Variants in WWOX observed in about 807,000 individuals in gnomAD.
WWOX encodes WW domain containing oxidoreductase, also known as WW domain-containing oxidoreductase.
In WWOX, 69 loss-of-function variants were observed where a neutral mutation model predicts 46.2. The ratio of observed to expected loss-of-function variants is 1.49; its 90% CI spans 1.23 to 1.82. The LOEUF (loss-of-function observed/expected upper bound fraction) is 1.82. Among genes scored for constraint, WWOX ranks in the 40% most tolerant of loss-of-function variants. WWOX has a pLI of 0.00. For missense variants in WWOX, 919 were observed against 542.6 expected (o/e 1.69, Z -6.89); for synonymous variants, 359 against 202.6 (o/e 1.77, Z -6.56).
At chr16:78,696,655 T>G (rs1193687539) in intron 8 of WWOX, among the ~76,000 whole-genome samples, 1 of 152,052 alleles carries the variant, frequency 6.6e-6, no homozygotes. Flanking sequence ...TTTTATATTT[T>G]CTTTAATTTT....
At chr16:78,470,823 C>G (rs1033676501) in intron 8 of WWOX, among the ~76,000 whole-genome samples, 1 of 151,838 alleles carries the variant, frequency 6.6e-6, no homozygotes, top group Non-Finnish European at 1.5e-5. Flanking sequence ...GTCACCATGC[C>G]CGACCAGCAA....
intron 8 of WWOX, among the ~76,000 whole-genome samples, chr16:78,604,433 G>A (rs1160022438): frequency 6.6e-6 from 1 of 152,118 alleles, no homozygotes; most frequent in Non-Finnish European, 1.5e-5. Context: ...GCTGAGTGAT[G>A]CTGTGAGGGT....
intron 8 of WWOX, among the ~76,000 whole-genome samples, chr16:78,543,469 A>C (rs1397885863): frequency 6.6e-6 from 1 of 152,240 alleles, no homozygotes; most frequent in Non-Finnish European, 1.5e-5. Flanking sequence ...TGAACAGAGC[A>C]AAAGGGCATT....
At chr16:79,131,961 C>G (rs1322990844) in intron 8 of WWOX, among the ~76,000 whole-genome samples, 2 of 152,092 alleles carry the variant, frequency 1.3e-5, no homozygotes, top group South Asian at 2.1e-4. Flanking sequence ...TCTCACGAGA[C>G]TTATTCACTA....
At chr16:78,244,598 A>T (rs997731866) in intron 5 of WWOX, among the ~76,000 whole-genome samples, 1 of 152,180 alleles carries the variant, frequency 6.6e-6, no homozygotes, top group Non-Finnish European at 1.5e-5. Context: ...TTGAGTAACT[A>T]TCTCTGGAAA....
intron 4 of WWOX, among the ~76,000 whole-genome samples, chr16:78,126,526 T>C (rs1287696212): frequency 6.6e-6 from 1 of 152,226 alleles, no homozygotes; most frequent in Non-Finnish European, 1.5e-5. Flanking sequence ...CTATTGGATA[T>C]GTATCGATTA....
chr16:78,995,337 A>G (rs1291190684), intron 8 of WWOX, among the ~76,000 whole-genome samples: 1 of 152,074 alleles, frequency 6.6e-6, no homozygotes, highest in Non-Finnish European at 1.5e-5. Flanking sequence ...TCTCCTGCCT[A>G]CAGGTCATCC....
chr16:79,107,034 C>T (rs1261680326), intron 8 of WWOX, among the ~76,000 whole-genome samples: 2 of 152,064 alleles, frequency 1.3e-5, no homozygotes, highest in Non-Finnish European at 2.9e-5. Context: ...TGGTCTCGAT[C>T]TCCTGACCTC....
At chr16:79,151,424 C>T (rs76728377) in intron 8 of WWOX, among the ~76,000 whole-genome samples, 3,978 of 152,214 alleles carry the variant, frequency 0.026, 196 homozygotes, top group African/African-American at 0.091. Context: ...TTTTGGTTAC[C>T]CTGGACCAGA....
At chr16:78,159,126 G>A (rs2034700455) in intron 4 of WWOX, among the ~76,000 whole-genome samples, 1 of 152,010 alleles carries the variant, frequency 6.6e-6, no homozygotes, top group African/African-American at 2.4e-5. Context: ...TCCTAAGGCT[G>A]AATAATATTC....
At chr16:78,615,088 G>A (rs376674302) in intron 8 of WWOX, among the ~76,000 whole-genome samples, 20 of 152,306 alleles carry the variant, frequency 1.3e-4, no homozygotes, top group African/African-American at 4.8e-4. Context: ...GGACACTCTA[G>A]TGAAATTCTA....
At chr16:78,370,536 ATTC>A (rs1567531106) in intron 5 of WWOX, among the ~76,000 whole-genome samples, 8 of 151,830 alleles carry the variant, frequency 5.3e-5, no homozygotes, top group Admixed American at 1.3e-4. Flanking sequence ...AAATGTTTCT[ATTC>A]TTCTGTTCTG....
rs554811814 is a variant in WWOX at position 78,170,327 on chromosome 16, A to C, written c.516+6038A>C. On this transcript the variant is annotated intron_variant, in intron 5 of 8. Transcript: ENST00000566780. Reference sequence around the variant, plus strand: ...GTAAAATGCACATCATAATATCTCTATTCAGAGATACAGGTGGTTCTATTA... The same window carrying C: ...GTAAAATGCACATCATAATATCTCTCTTCAGAGATACAGGTGGTTCTATTA... 9.0e-4 allele frequency among the ~76,000 whole-genome samples: 137 copies of C among 152,330 alleles called. 1 individual carries two copies. The highest frequency in any genetic ancestry group is 3.4e-3 in the Middle Eastern group (1 of 294).
chr16:78,916,015 A>G (rs1470510599), intron 8 of WWOX, among the ~76,000 whole-genome samples: 1 of 152,188 alleles, frequency 6.6e-6, no homozygotes, highest in Non-Finnish European at 1.5e-5. Context: ...TTGAACTCTA[A>G]TTAGGGAAAG....
chr16:78,966,150 TA>T (rs2046359644), intron 8 of WWOX, among the ~76,000 whole-genome samples: 1 of 152,216 alleles, frequency 6.6e-6, no homozygotes, highest in Non-Finnish European at 1.5e-5. Context: ...ACTTAGATAT[TA>T]AATCCCATGA....
chr16:78,833,925 C>A (rs1024004407), intron 8 of WWOX, among the ~76,000 whole-genome samples: 1 of 152,218 alleles, frequency 6.6e-6, no homozygotes, highest in Non-Finnish European at 1.5e-5. Flanking sequence ...TTCTTTGAGG[C>A]CAAGGACTGT....
intron 5 of WWOX, among the ~76,000 whole-genome samples, chr16:78,173,139 A>G (rs1456964914): frequency 2.6e-5 from 4 of 152,222 alleles, no homozygotes; most frequent in East Asian, 3.9e-4. Context: ...ATTTTAGACA[A>G]ATATTTAAAA....
At position 79,162,058 on chromosome 16, in the gene WWOX, G is replaced by A. The variant is rs77961339; in HGVS notation, c.1057-49550G>A. On this transcript the variant is annotated intron_variant, in intron 8 of 8. Transcript: ENST00000566780. ...CTTTTCTTGGATAGCTTGAAGTTAC[G>A]GGTAGTTATTGAATTGGTCACTGGC... 4.6e-5 allele frequency among the ~76,000 whole-genome samples: 7 copies of A among 152,248 alleles called. No individual in the cohort carries two copies. The East Asian group carries it at 5.8e-4, about 13-fold the overall frequency.
chr16:78,819,979 A>G (rs1235858135), intron 8 of WWOX, among the ~76,000 whole-genome samples: 1 of 152,158 alleles, frequency 6.6e-6, no homozygotes, highest in East Asian at 1.9e-4. Context: ...GTTTGATATC[A>G]ACATCTGTAA....
Sources: allele counts gnomAD v4.1 joint callset (sites outside exome capture counted in the v4.1 genomes callset), GRCh38; gene constraint gnomAD v4.1.1; transcripts MANE v1.5; gene names NCBI Gene and HGNC (gene_info 2026-07-23, HGNC 2026-07-21).